Variants in TTN observed in about 807,000 individuals in gnomAD.
TTN encodes connectin.
A neutral mutation model predicts 3,223.0 loss-of-function variants in TTN; 1,525 were observed. That is an observed-to-expected ratio of 0.47 (90% CI 0.45 to 0.49). TTN has a LOEUF of 0.49. TTN is among the 20% of genes least tolerant of loss of function. The probability of loss-of-function intolerance (pLI) is 0.00; values close to 1 mark genes in which losing one functional copy is unlikely to be tolerated. For synonymous variants in TTN, 14,094 were observed against 15,161.0 expected, an observed-to-expected ratio of 0.93 and a Z score of 5.17; for missense variants, 40,786 against 43,424.0, an observed-to-expected ratio of 0.94 and a Z score of 5.40.
intron 47 of TTN, chr2:178,746,990 A>G (rs1289303278): frequency 1.9e-6 from 3 of 1,613,354 alleles, no homozygotes; most frequent in Admixed American, 1.7e-5. Flanking sequence ...TTCCCTTTCT[A>G]TTTTTGATGG....
intron 105 of TTN, 21 bp from the exon 106 acceptor site, chr2:178,704,428 G>A (rs754243547): frequency 3.2e-5 from 51 of 1,607,242 alleles, no homozygotes; most frequent in African/African-American, 2.4e-4. Flanking sequence ...GATACAACAC[G>A]CATTTTGTTC....
intron 90 of TTN, 63 bp downstream of exon 90, chr2:178,714,923 G>A: frequency 6.5e-7 from 1 of 1,547,484 alleles, no homozygotes; most frequent in South Asian, 1.3e-5. Flanking sequence ...GGGGTGGAGG[G>A]GGCAACAGAG....
chr2:178,679,276 C>T (rs2068779541), intron 142 of TTN, 63 bp downstream of exon 142: 7 of 1,552,208 alleles, frequency 4.5e-6, no homozygotes, highest in Non-Finnish European at 4.4e-6. Flanking sequence ...TGCTATGGCT[C>T]ACCAAGTTAT....
chr2:178,526,348 C>A lies in TTN; in HGVS notation c.*664G>T, dbSNP rs72629796. On this transcript the variant is annotated 3_prime_UTR_variant, in exon 363 of 363. Coordinates refer to ENST00000589042, the MANE Select transcript of TTN (RefSeq NM_001267550.2). ...GGCCAGGAGATGTTACTTTTCCAAG[C>A]TATTCAGGCACTCCTTATGTCAGAG... 0.022 allele frequency: 3,303 copies of A among 152,728 alleles called. 60 individuals carry two copies. The highest frequency in any genetic ancestry group is 0.064 in the East Asian group (334 of 5,184). 9.5% of individuals were successfully genotyped at this position (152,728 alleles called of 1,614,324 possible).
chr2:178,527,329 A>G, intron 362 of TTN, 22 bp from the exon 363 acceptor site: 2 of 1,576,052 alleles, frequency 1.3e-6, no homozygotes, highest in South Asian at 1.2e-5. Context: ...AATGACAAAA[A>G]AAAGGTCTTA....
chr2:178,624,844 T>G, intron 241 of TTN, 113 bp from the exon 242 acceptor site: 1 of 1,256,644 alleles, frequency 8.0e-7, no homozygotes, highest in Non-Finnish European at 1.1e-6. Flanking sequence ...TAAGTTTTAT[T>G]TTCAAGTTTT....
chr2:178,726,289 T>C (rs563558035), intron 69 of TTN: 2 of 355,188 alleles, frequency 5.6e-6, no homozygotes, highest in Non-Finnish European at 1.0e-5. Flanking sequence ...ACATTCTATC[T>C]ACTACACCTT....
Position 178,607,280 on chromosome 2 carries a change from A to G in TTN, c.53322T>C (p.Val17774=). 1.2e-6 allele frequency: 2 copies of G among 1,612,740 alleles called. No individual in the cohort carries two copies. Among genetic ancestry groups the G allele is most frequent in the African/African-American group, 1.3e-5 (1 of 74,958 alleles). ...GTAGACACATTTTTCTGTTTGTTAC[A>G]ACAGGTTTTAAGTCAAGAACTGGAC... is the stretch of plus-strand genomic sequence containing the variant. ...VPGPVLDLKP[V]VTNRKMCLLN... is the part of the protein sequence containing the mutation. Residue 17774 remains valine (V), a synonymous_variant, in exon 278 of 363, where the codon GTT becomes GTC. Transcript: ENST00000589042.
At chr2:178,783,519 T>C (rs1043076079) in intron 17 of TTN, among the ~76,000 whole-genome samples, 1 of 152,196 alleles carries the variant, frequency 6.6e-6, no homozygotes, top group Non-Finnish European at 1.5e-5. Context: ...CCATGAATGA[T>C]GTACCACATA....
At chr2:178,757,422 T>C in intron 45 of TTN, 120 bp downstream of exon 45, 1 of 1,242,916 alleles carries the variant, frequency 8.0e-7, no homozygotes, top group Middle Eastern at 3.0e-4. Context: ...TGTTATTTTA[T>C]TAGTAAGTTA....
chr2:178,784,942 A>G (rs1346802911), intron 15 of TTN, among the ~76,000 whole-genome samples: 1 of 152,226 alleles, frequency 6.6e-6, no homozygotes, highest in Non-Finnish European at 1.5e-5. Context: ...TTGAAGGCAT[A>G]GAAGGTTTGG....
chr2:178,579,445 C>T, intron 319 of TTN, 52 bp from the exon 320 acceptor site: 1 of 1,560,618 alleles, frequency 6.4e-7, no homozygotes, highest in Non-Finnish European at 8.6e-7. Flanking sequence ...AGGCGATTAA[C>T]TTTTTCAAAT....
rs1701586321 is a variant in TTN, at chr2:178,556,523, A to G, written c.88306+325T>C. 10 of 322,016 alleles carry G rather than the reference A, an allele frequency of 3.1e-5. No individual in the cohort carries two copies. The South Asian group carries it at 3.7e-4, about 12-fold the overall frequency. The allele number at this position is 322,016 out of a possible 1,614,324, so 19.9% of individuals were successfully genotyped here. A position where few individuals can be genotyped will look rare whatever the true frequency, so the allele number is the denominator to read the frequency against. ...GGCTTATTTAAGAGCAATATTCTCT[A>G]GGAACTCAACCATGGTTTAATTATT... On this transcript the variant is annotated intron_variant, in intron 330 of 362. Coordinates refer to ENST00000589042, the MANE Select transcript of TTN (RefSeq NM_001267550.2).
chr2:178,675,907 C>T lies in TTN; in HGVS notation c.34453+14G>A, dbSNP rs397517550. ...GGAAATGGCATAGTCTAATTTACTT[C>T]GGAATAGCAATACCTTTGGCAGGGG... On this transcript the variant is annotated intron_variant, in intron 148 of 362. Coordinates refer to ENST00000589042, the MANE Select transcript of TTN (RefSeq NM_001267550.2). The T allele has an allele frequency of 6.3e-4, 1,006 of 1,603,332 alleles. 11 individuals are homozygous for T. The South Asian group carries it at 0.01, about 17-fold the overall frequency.
chr2:178,547,187 C>T lies in TTN; in HGVS notation c.94338G>A (p.Glu31446=). The change falls in exon 340 of 363, where the codon GAG becomes GAA. Residue 31446 remains glutamate (E), a synonymous_variant. Transcript: ENST00000589042. ...GGSKIIGYWV[E]KKERNTILWV... is the part of the protein sequence containing the mutation. ...AAAGAATTGTATTACGTTCTTTCTTCTCAACCCAGTAGCCAATGATTTTAC... is the reference window on the plus strand; with the variant it reads ...AAAGAATTGTATTACGTTCTTTCTTTTCAACCCAGTAGCCAATGATTTTAC... 6.2e-7 allele frequency: 1 copy of T among 1,613,820 alleles called. No homozygotes were observed. Among genetic ancestry groups the T allele is most frequent in the South Asian group, 1.1e-5 (1 of 91,082 alleles).
chr2:178,629,690 C>T (rs1559934271), intron 239 of TTN, among the ~76,000 whole-genome samples: 1 of 152,116 alleles, frequency 6.6e-6, no homozygotes, highest in Admixed American at 6.5e-5. Flanking sequence ...TGTGCTGCAT[C>T]TGTCTCTCTG....
In TTN at chr2:178,548,077, T is replaced by C. The variant is rs1341690813; in HGVS notation, c.93549A>G (p.Glu31183=). Residue 31183 remains glutamate, a synonymous_variant, in exon 339 of 363, where the codon GAA becomes GAG. Transcript: ENST00000589042. This position sits in a 1 kb window ranked among gnomAD's most constrained non-coding sequence, Gnocchi z 4.3. ...VERLVEKTEY[E]FRVKAKNDAG... Reference sequence around the variant, plus strand: ...CATCATTCTTGGCCTTCACACGGAATTCATATTCAGTTTTCTCAACAAGAC... The same window carrying C: ...CATCATTCTTGGCCTTCACACGGAACTCATATTCAGTTTTCTCAACAAGAC... 2.5e-6 allele frequency: 4 copies of C among 1,613,688 alleles called. No homozygotes were observed. Among genetic ancestry groups the C allele is most frequent in the Admixed American group, 1.7e-5 (1 of 59,996 alleles).
rs2050549761 is a variant in TTN at position 178,592,943 on chromosome 2, CTT to C, written c.59174_59175del (p.Glu19725GlyfsTer10). On this transcript the variant is annotated frameshift_variant, in exon 300 of 363. Coordinates refer to ENST00000589042, the MANE Select transcript of TTN (RefSeq NM_001267550.2). LOFTEE classifies it high-confidence loss of function. The stretch of plus-strand genomic sequence containing the variant: ...GGGGTGTGATTGGCTCTTCTCCACT[CTT>C]CATCTCCAACTTTCTGGTACTCAAC... ...YIVEYQKVGDEEWRRANHTPE... is the reference protein window; with the variant it reads ...YIVEYQKVGDXEWRRANHTPE... 1.2e-6 allele frequency: 2 copies of C among 1,613,410 alleles called. No homozygotes were observed. The highest frequency in any genetic ancestry group is 3.3e-5 in the Admixed American group (2 of 59,974).
In TTN at chr2:178,717,210, T is replaced by G; in HGVS notation, c.25524A>C (p.Glu8508Asp). ...TGAGAACTGTCAGAGTGGCAGTATT[T>G]TCTACCAAAGTCATCTTGTAGTTGC... ...PGGNYKMTLV[E>D]NTATLTVLKV... The change falls in exon 88 of 363, where the codon GAA (glutamate) becomes GAC (aspartate). Residue 8508 changes from glutamate (E) to aspartate (D), a missense_variant. By Grantham distance (45) the Glu-to-Asp change is conservative. Coordinates refer to ENST00000589042, the MANE Select transcript of TTN (RefSeq NM_001267550.2). 6.2e-7 allele frequency: 1 copy of G among 1,613,670 alleles called. No homozygotes were observed. Among genetic ancestry groups the G allele is most frequent in the Non-Finnish European group, 8.5e-7 (1 of 1,179,656 alleles).
Sources: allele counts gnomAD v4.1 joint callset (sites outside exome capture counted in the v4.1 genomes callset), GRCh38; gene constraint gnomAD v4.1.1; non-coding constraint Gnocchi (gnomAD v3.1); transcripts MANE v1.5; gene names NCBI Gene and HGNC (gene_info 2026-07-23, HGNC 2026-07-21).